Variants in ADAM10 observed in about 807,000 individuals in gnomAD.
The protein encoded by ADAM10 is disintegrin and metalloproteinase domain-containing protein 10.
Under a neutral mutation model 90.1 loss-of-function variants are expected in ADAM10, and 17 were observed. The ratio of observed to expected loss-of-function variants is 0.19; its 90% confidence interval spans 0.13 to 0.28. ADAM10 has a LOEUF of 0.28. Ranked by LOEUF, ADAM10 falls within the 10% of genes least tolerant of loss-of-function variation. The pLI is 1.00. For synonymous variants in ADAM10, 310 were observed against 298.6 expected, an observed-to-expected ratio of 1.04 and a Z score of -0.40; for missense variants, 610 against 914.3, an observed-to-expected ratio of 0.67 and a Z score of 4.29.
At chr15:58,624,840 A>G (rs1895891559) in intron 10 of ADAM10, among the ~76,000 whole-genome samples, 1 of 152,206 alleles carries the variant, frequency 6.6e-6, no homozygotes, top group Non-Finnish European at 1.5e-5. Flanking sequence ...GCCTAAAAAT[A>G]CTGTTTAAAT....
At chr15:58,652,117 T>A (rs1418605752) in intron 5 of ADAM10, among the ~76,000 whole-genome samples, 1 of 152,184 alleles carries the variant, frequency 6.6e-6, no homozygotes, top group Non-Finnish European at 1.5e-5. Flanking sequence ...TATAGAGTTA[T>A]TTCAGCTCCT....
chr15:58,604,304 T>C (rs1432477180), intron 14 of ADAM10, among the ~76,000 whole-genome samples: 4 of 152,148 alleles, frequency 2.6e-5, no homozygotes, highest in Admixed American at 2.0e-4. Flanking sequence ...GTGGTTGCAG[T>C]GAGCCGAGAT....
intron 1 of ADAM10, among the ~76,000 whole-genome samples, chr15:58,733,535 A>C (rs1899326044): frequency 6.6e-6 from 1 of 152,180 alleles, no homozygotes; most frequent in Admixed American, 6.5e-5. Context: ...TAACCCTTTA[A>C]AACAAAAATA....
chr15:58,682,462 C>T (rs1480245058), intron 2 of ADAM10, 148 bp from the exon 3 acceptor site: 9 of 1,317,286 alleles, frequency 6.8e-6, no homozygotes, highest in Non-Finnish European at 7.0e-6. Context: ...TTTTTAAAGA[C>T]ATATTCTGCT....
chr15:58,749,624 G>C lies in ADAM10; in HGVS notation c.-90C>G. The C allele has an allele frequency of 1.9e-6, 3 of 1,539,318 alleles. No homozygotes were observed. Among genetic ancestry groups the C allele is most frequent in the South Asian group, 1.2e-5 (1 of 83,214 alleles). On this transcript the variant is annotated 5_prime_UTR_variant, in exon 1 of 16. Coordinates refer to ENST00000260408, the MANE Select transcript of ADAM10 (RefSeq NM_001110.4). ...GGAGAAGCTGAAGGGGCTTGGTCCG[G>C]AGCCTCCACGGGAAGCCGGGACCTC...
At chr15:58,613,057 C>T (rs1437168025) in intron 11 of ADAM10, among the ~76,000 whole-genome samples, 1 of 152,158 alleles carries the variant, frequency 6.6e-6, no homozygotes, top group East Asian at 1.9e-4. Flanking sequence ...TAAGTCTCAC[C>T]ATTATGGGAA....
chr15:58,735,620 G>A (rs1217188244), intron 1 of ADAM10, among the ~76,000 whole-genome samples: 6 of 151,958 alleles, frequency 3.9e-5, no homozygotes, highest in Admixed American at 6.6e-5. Flanking sequence ...TGTTGTGTAG[G>A]GAATAATAAC....
intron 1 of ADAM10, 63 bp from the exon 2 acceptor site, chr15:58,717,790 C>A: frequency 6.4e-7 from 1 of 1,567,634 alleles, no homozygotes; most frequent in South Asian, 1.2e-5. Flanking sequence ...AGTTCTAACA[C>A]GATTATTCAA....
In ADAM10 at chr15:58,594,976, C is replaced by T. The variant is rs1452039056; in HGVS notation, c.*2571G>A. ...CTTACAATTCCTTTTCTAGGTAACA[C>T]TGAAATGTCAATTCTCTCCTTATTT... is the stretch of plus-strand genomic sequence containing the variant. On this transcript the variant is annotated 3_prime_UTR_variant, in exon 16 of 16. Coordinates refer to ENST00000260408, the MANE Select transcript of ADAM10 (RefSeq NM_001110.4). 1 of 152,108 alleles carries T rather than the reference C, an allele frequency of 6.6e-6. No individual in the cohort carries two copies. 9.4% of individuals were successfully genotyped at this position (152,108 alleles called of 1,614,324 possible).
chr15:58,633,915 A>G (rs1896175319), intron 8 of ADAM10, among the ~76,000 whole-genome samples: 1 of 151,822 alleles, frequency 6.6e-6, no homozygotes, highest in African/African-American at 2.4e-5. Context: ...AAAAAAAAAA[A>G]AGAGGGGGTA....
At chr15:58,602,762 C>T (rs1595982331) in intron 14 of ADAM10, among the ~76,000 whole-genome samples, 1 of 152,106 alleles carries the variant, frequency 6.6e-6, no homozygotes, top group African/African-American at 2.4e-5. Flanking sequence ...CACCTTTCTT[C>T]TCTTTATTTT....
intron 5 of ADAM10, among the ~76,000 whole-genome samples, chr15:58,646,411 C>G (rs1475814641): frequency 6.6e-6 from 1 of 152,178 alleles, no homozygotes; most frequent in African/African-American, 2.4e-5. Flanking sequence ...AACTCCTTCA[C>G]TTTTAAACAT....
chr15:58,679,030 G>C, intron 4 of ADAM10, 94 bp downstream of exon 4: 2 of 1,265,688 alleles, frequency 1.6e-6, no homozygotes, highest in South Asian at 1.3e-5. Context: ...AGTAACTCAG[G>C]AAAGAAAACA....
intron 1 of ADAM10, among the ~76,000 whole-genome samples, chr15:58,724,396 T>C (rs929341367): frequency 3.3e-5 from 5 of 152,074 alleles, no homozygotes; most frequent in African/African-American, 9.7e-5. Context: ...TCAGGAGTAA[T>C]AGAGACTGAA....
chr15:58,633,495 G>T, intron 8 of ADAM10, 136 bp from the exon 9 acceptor site: 1 of 755,450 alleles, frequency 1.3e-6, no homozygotes, highest in Non-Finnish European at 2.1e-6. Context: ...TATCACATAT[G>T]CAAAAGTTTC....
chr15:58,611,495 G>A, intron 12 of ADAM10: 1 of 333,338 alleles, frequency 3.0e-6, no homozygotes, highest in Non-Finnish European at 5.5e-6. Flanking sequence ...ATTCAGAGAA[G>A]ATGACCAAAG....
intron 10 of ADAM10, among the ~76,000 whole-genome samples, chr15:58,624,153 G>A (rs986383719): frequency 6.6e-6 from 1 of 151,954 alleles, no homozygotes; most frequent in Non-Finnish European, 1.5e-5. Flanking sequence ...AGGCGTGGTG[G>A]CGCACTCCTG....
intron 1 of ADAM10, among the ~76,000 whole-genome samples, chr15:58,731,823 C>A (rs922252885): frequency 5.9e-5 from 9 of 152,058 alleles, no homozygotes; most frequent in African/African-American, 2.2e-4. Flanking sequence ...AAGCCCACCC[C>A]ATGACATGTG....
intron 5 of ADAM10, among the ~76,000 whole-genome samples, chr15:58,655,724 T>TATATATATATATA (rs1896807784): frequency 1.1e-5 from 1 of 89,228 alleles, no homozygotes; most frequent in Non-Finnish European, 2.2e-5. Context: ...TATATATATA[T>TATATATATATATA]ATATATATAT....
Sources: allele counts gnomAD v4.1 joint callset (sites outside exome capture counted in the v4.1 genomes callset), GRCh38; gene constraint gnomAD v4.1.1; transcripts MANE v1.5; gene names NCBI Gene and HGNC (gene_info 2026-07-23, HGNC 2026-07-21).